STK3: variants seen among roughly 807,000 people sequenced by gnomAD.
The protein encoded by STK3 is serine/threonine kinase 3, also known as serine/threonine-protein kinase 3.
STK3 carries 41 observed loss-of-function variants against 58.0 expected under a neutral mutation model. The observed-to-expected ratio is 0.71, with a 90% CI of 0.55 to 0.92. STK3 has a LOEUF of 0.92. STK3 is among the 40% of genes least tolerant of loss of function. The pLI, the probability that STK3 is intolerant of heterozygous loss-of-function variation, is 0.00. For missense variants in STK3, 479 were observed against 602.7 expected, an observed-to-expected ratio of 0.79 and a Z score of 2.15; for synonymous variants, 170 against 191.0, an observed-to-expected ratio of 0.89 and a Z score of 0.91.
chr8:98,571,784 C>T (rs112704876), intron 8 of STK3, among the ~76,000 whole-genome samples: 7,188 of 152,258 alleles, frequency 0.047, 262 homozygotes, highest in Middle Eastern at 0.078. Flanking sequence ...TCAAGCTTAA[C>T]ATCAAAAAGT....
intron 7 of STK3, among the ~76,000 whole-genome samples, chr8:98,582,005 T>C (rs944630239): frequency 1.2e-4 from 18 of 152,188 alleles, no homozygotes; most frequent in African/African-American, 4.1e-4. Context: ...AATCATTAAT[T>C]TTGAACACTA....
chr8:98,651,399 A>G (rs1820915571), intron 6 of STK3: 1 of 152,278 alleles, frequency 6.6e-6, no homozygotes, highest in South Asian at 2.1e-4. Flanking sequence ...GGGAAAACAG[A>G]GCAGAAAAAC....
chr8:98,777,647 G>A (rs1460326482), intron 1 of STK3, among the ~76,000 whole-genome samples: 2 of 152,186 alleles, frequency 1.3e-5, no homozygotes, highest in East Asian at 1.9e-4. Context: ...TAGGACTAGA[G>A]TGCATTCTTA....
rs566637315 is a variant in STK3, at chr8:98,815,988, A to C, written c.26+9527T>G. 9.2e-5 allele frequency among the ~76,000 whole-genome samples: 14 copies of C among 152,226 alleles called. No individual in the cohort carries two copies. The South Asian group carries it at 2.3e-3, about 25-fold the overall frequency. On this transcript the variant is annotated intron_variant, in intron 1 of 10. Transcript: ENST00000419617. ...CATGGTCTTGCCAAACCCCATCTATATATATATATATATCACAATGCCTAA... is the reference window on the plus strand; with the variant it reads ...CATGGTCTTGCCAAACCCCATCTATCTATATATATATATCACAATGCCTAA...
chr8:98,793,596 G>A (rs2131590176), intron 1 of STK3, among the ~76,000 whole-genome samples: 1 of 152,252 alleles, frequency 6.6e-6, no homozygotes, highest in Non-Finnish European at 1.5e-5. Context: ...AATAATGGGA[G>A]ACTTCAACAG....
At chr8:98,913,328 C>T (rs1453713722) in intron 1 of STK3, among the ~76,000 whole-genome samples, 1 of 152,206 alleles carries the variant, frequency 6.6e-6, no homozygotes, top group Non-Finnish European at 1.5e-5. Flanking sequence ...TCTCCCTTCT[C>T]TAAACACTAC....
At chr8:98,563,438 T>C (rs2131642657) in intron 8 of STK3, among the ~76,000 whole-genome samples, 1 of 152,296 alleles carries the variant, frequency 6.6e-6, no homozygotes, top group Admixed American at 6.5e-5. Flanking sequence ...CCTACATATA[T>C]AGTTATAAAT....
At chr8:98,792,896 A>ATGTGTGTGTG (rs34465301) in intron 1 of STK3, among the ~76,000 whole-genome samples, 4 of 145,666 alleles carry the variant, frequency 2.7e-5, no homozygotes, top group African/African-American at 7.6e-5. Flanking sequence ...AAGAGACTGT[A>ATGTGTGTGTG]TGTGTGTGTG....
intron 8 of STK3, among the ~76,000 whole-genome samples, chr8:98,568,567 G>A (rs1027700415): frequency 2.0e-5 from 3 of 151,922 alleles, no homozygotes; most frequent in African/African-American, 4.8e-5. Context: ...TATAATCCCC[G>A]TACATTTGAA....
chr8:98,451,899 C>CA (rs66941470), downstream of STK3, among the ~76,000 whole-genome samples: 5,035 of 139,070 alleles, frequency 0.036, 119 homozygotes, highest in South Asian at 0.07. Flanking sequence ...AAAAAAAAAA[C>CA]AAAAAAAAAA....
intron 6 of STK3, among the ~76,000 whole-genome samples, chr8:98,704,254 G>C (rs1423070257): frequency 1.3e-5 from 2 of 152,176 alleles, no homozygotes; most frequent in Non-Finnish European, 2.9e-5. Context: ...TGTTACCAGT[G>C]ATAAAACTAT....
intron 6 of STK3, among the ~76,000 whole-genome samples, chr8:98,627,039 A>G (rs1239633530): frequency 1.3e-5 from 2 of 152,230 alleles, no homozygotes; most frequent in Non-Finnish European, 2.9e-5. Context: ...CTGGAAAAAC[A>G]TTCCATGCCA....
chr8:98,721,844 G>A (rs1779158855), intron 4 of STK3, among the ~76,000 whole-genome samples: 1 of 152,022 alleles, frequency 6.6e-6, no homozygotes, highest in South Asian at 2.1e-4. Context: ...AGTGACATAA[G>A]AATTCAGAAG....
At chr8:98,473,845 C>G (rs1368521948) in intron 10 of STK3, among the ~76,000 whole-genome samples, 1 of 152,116 alleles carries the variant, frequency 6.6e-6, no homozygotes, top group Non-Finnish European at 1.5e-5. Flanking sequence ...TGGGCTTTTA[C>G]TATATACTCC....
chr8:98,694,433 C>T (rs551010406), intron 6 of STK3, among the ~76,000 whole-genome samples: 23 of 151,990 alleles, frequency 1.5e-4, no homozygotes, highest in South Asian at 2.1e-4. Flanking sequence ...ATGTGCCATG[C>T]GGGTGTGCTG....
At chr8:98,903,011 T>C (rs568787759) in intron 1 of STK3, among the ~76,000 whole-genome samples, 100 of 152,172 alleles carry the variant, frequency 6.6e-4, no homozygotes, top group South Asian at 2.3e-3. Flanking sequence ...AAACCCAAAT[T>C]CCCTAACATA....
intron 1 of STK3, among the ~76,000 whole-genome samples, chr8:98,885,340 A>G (rs889768626): frequency 2.6e-5 from 4 of 152,180 alleles, no homozygotes; most frequent in African/African-American, 9.7e-5. Flanking sequence ...TGGAAGCCAA[A>G]CTTTACCCTC....
At chr8:98,707,843 A>G (rs1587370106) in intron 4 of STK3, among the ~76,000 whole-genome samples, 1 of 152,260 alleles carries the variant, frequency 6.6e-6, no homozygotes, top group East Asian at 1.9e-4. Context: ...TCTCTCTTTA[A>G]GATTATCAGT....
intron 10 of STK3, among the ~76,000 whole-genome samples, chr8:98,467,816 T>C (rs982388781): frequency 1.3e-5 from 2 of 152,136 alleles, no homozygotes; most frequent in Middle Eastern, 3.2e-3. Context: ...AGTTGACTCT[T>C]TGAGGAAACA....
Sources: allele counts gnomAD v4.1 joint callset (sites outside exome capture counted in the v4.1 genomes callset), GRCh38; gene constraint gnomAD v4.1.1; transcripts MANE v1.5; gene names NCBI Gene and HGNC (gene_info 2026-07-23, HGNC 2026-07-21).